The following SDK2 variants were observed in gnomAD, a reference collection of about 807,000 sequenced individuals.
SDK2 encodes the protein sidekick cell adhesion molecule 2.
SDK2 carries 105 observed loss-of-function variants against 253.9 expected under a neutral mutation model. That is an observed-to-expected ratio of 0.41 (90% CI 0.35 to 0.49). The LOEUF is 0.49. SDK2 is among the 20% of genes least tolerant of loss of function. The pLI is 0.06. For synonymous variants in SDK2, 1,249 were observed against 1,234.9 expected (o/e 1.01, Z -0.24); for missense variants, 2,608 against 3,003.0 (o/e 0.87, Z 3.07).
intron 3 of SDK2, among the ~76,000 whole-genome samples, chr17:73,469,680 C>T (rs1391930886): frequency 6.6e-6 from 1 of 152,108 alleles, no homozygotes; most frequent in Non-Finnish European, 1.5e-5. Context: ...TCCCCCCACC[C>T]TGGGTTTGTG....
rs34947277 is a variant in SDK2 at position 73,588,221 on chromosome 17, C to G, written c.64+55804G>C. 3.6e-3 allele frequency among the ~76,000 whole-genome samples: 527 copies of G among 147,896 alleles called. 4 individuals are homozygous for G. Among genetic ancestry groups the G allele is most frequent in the South Asian group, 0.027 (122 of 4,580 alleles). ...GACCCCCCCCCCTCCCCCGCCATCTCTACTAAAAATACAAACTTAGCTGGG... is the reference window on the plus strand; with the variant it reads ...GACCCCCCCCCCTCCCCCGCCATCTGTACTAAAAATACAAACTTAGCTGGG... On this transcript the variant is annotated intron_variant, in intron 1 of 44. Coordinates refer to ENST00000392650, the MANE Select transcript of SDK2 (RefSeq NM_001144952.2).
At chr17:73,573,446 C>T (rs1027986257) in intron 1 of SDK2, among the ~76,000 whole-genome samples, 1 of 152,184 alleles carries the variant, frequency 6.6e-6, no homozygotes, top group African/African-American at 2.4e-5. Flanking sequence ...CAACCCAGTT[C>T]CCCAGAGGCT....
At position 73,644,406 on chromosome 17, in the gene SDK2, C is replaced by T. The variant is rs941992548; in HGVS notation, c.-318G>A. Reference sequence around the variant, plus strand: ...CTCCGACTTCTCCCAAACAGGGCGGCCTCTGCGATCCGGCCGGGTCGCCGG... The same window carrying T: ...CTCCGACTTCTCCCAAACAGGGCGGTCTCTGCGATCCGGCCGGGTCGCCGG... On this transcript the variant is annotated 5_prime_UTR_variant, in exon 1 of 45. Coordinates refer to ENST00000392650, the MANE Select transcript of SDK2 (RefSeq NM_001144952.2). The surrounding 1 kb of genome is among the most constrained non-coding windows in gnomAD (Gnocchi z 6.3). 6.6e-6 allele frequency among the ~76,000 whole-genome samples: 1 copy of T among 152,120 alleles called. No homozygotes were observed. The highest frequency in any genetic ancestry group is 1.5e-5 in the Non-Finnish European group (1 of 68,004).
At position 73,514,386 on chromosome 17, in the gene SDK2, C is replaced by T. The variant is rs578201281; in HGVS notation, c.65-6789G>A. ...CTCCCTAGGCTCCAGGCTAAATGGC[C>T]CCATACAGAAGCCAATCTCAACTTC... On this transcript the variant is annotated intron_variant, in intron 1 of 44. Transcript: ENST00000392650. Among the ~76,000 whole-genome samples the T allele has an allele frequency of 5.9e-5, 9 of 152,262 alleles. No individual in the cohort carries two copies. The East Asian group carries it at 1.7e-3, about 29-fold the overall frequency.
At chr17:73,350,190 T>TGGGCACGGCTGGGCCTGGCCCCCCACCC in intron 43 of SDK2, 47 bp downstream of exon 43, 1 of 163,696 alleles carries the variant, frequency 6.1e-6, no homozygotes, top group Non-Finnish European at 9.7e-6. Context: ...TCTCCCCACC[T>TGGGCACGGCTGGGCCTGGCCCCCCACCC]GGGCACTGCT....
At chr17:73,434,230 A>G (rs2063350124) in intron 9 of SDK2, among the ~76,000 whole-genome samples, 2 of 152,186 alleles carry the variant, frequency 1.3e-5, no homozygotes, top group Admixed American at 1.3e-4. Context: ...TAAAAGAAAA[A>G]CAGCCACAGC....
At chr17:73,474,871 A>G (rs945707826) in intron 2 of SDK2, among the ~76,000 whole-genome samples, 2 of 152,240 alleles carry the variant, frequency 1.3e-5, no homozygotes, top group African/African-American at 4.8e-5. Context: ...AGGAAAAGAA[A>G]TAGAAATGGC....
intron 29 of SDK2, among the ~76,000 whole-genome samples, chr17:73,389,183 CTTTTTT>C (rs61085516): frequency 3.0e-5 from 3 of 99,018 alleles, no homozygotes; most frequent in African/African-American, 9.3e-5. Context: ...ATATTCCTTT[CTTTTTT>C]TTTTTTTTTT....
Position 73,437,938 on chromosome 17 carries a change from G to A in SDK2, c.916+26C>T, listed in dbSNP as rs1472485284. ...CGTGCTGCCCCTACCCCTCAGGGGA[G>A]CCCTAGCAGCCCCACCCTCTCTCAC... On this transcript the variant is annotated intron_variant, in intron 7 of 44. Coordinates refer to ENST00000392650, the MANE Select transcript of SDK2 (RefSeq NM_001144952.2). 12 of 1,558,974 alleles carry A rather than the reference G, an allele frequency of 7.7e-6. No homozygotes were observed. In the Admixed American group the frequency reaches 1.4e-4, roughly 18 times the overall value.
At chr17:73,356,635 A>G (rs1436123781) in intron 40 of SDK2, among the ~76,000 whole-genome samples, 2 of 152,166 alleles carry the variant, frequency 1.3e-5, no homozygotes, top group Non-Finnish European at 2.9e-5. Context: ...TCACCCCATA[A>G]CAGCAGCCTG....
intron 4 of SDK2, among the ~76,000 whole-genome samples, chr17:73,454,025 C>G (rs1432637771): frequency 6.6e-6 from 1 of 152,132 alleles, no homozygotes; most frequent in Non-Finnish European, 1.5e-5. Flanking sequence ...TTTATTTATA[C>G]AAATACTTAC....
Position 73,423,952 on chromosome 17 carries a change from C to T in SDK2, c.1724G>A (p.Gly575Glu). 6.2e-7 allele frequency: 1 copy of T among 1,602,060 alleles called. No individual in the cohort carries two copies. The highest frequency in any genetic ancestry group is 8.5e-7 in the Non-Finnish European group (1 of 1,174,938). Residue 575 changes from glycine (G) to glutamate (E), a missense_variant, in exon 13 of 45, where the codon GGA becomes GAA. Around this residue, in one of 2 missense-constraint regions of SDK2, gnomAD observed 1,505 missense variants for 1,859.1 expected, o/e 0.81. Coordinates refer to ENST00000392650, the MANE Select transcript of SDK2 (RefSeq NM_001144952.2). ...GTGGGCACTGCGAGAGTCGTTGCCT[C>T]CTGCTGAGATCACCCGGCAGGTGTA... ...GTYTCRVISA[G>E]GNDSRSAHLR...
chr17:73,338,587 T>A lies in SDK2; in HGVS notation c.6519A>T (p.Ter2173CysextTer61), dbSNP rs1421445023. ...APIAGFSSFV* is the reference protein window; with the variant it reads ...APIAGFSSFVC Reference sequence around the variant, plus strand: ...CTTTCTGCTTTTTCCTCTTCTGATGTCAAACAAATGATGAAAATCCTGCTA... The same window carrying A: ...CTTTCTGCTTTTTCCTCTTCTGATGACAAACAAATGATGAAAATCCTGCTA... Residue 2173 changes from the stop codon to cysteine (C), a stop_lost, in exon 45 of 45, where the codon TGA becomes TGT. Coordinates refer to ENST00000392650, the MANE Select transcript of SDK2 (RefSeq NM_001144952.2). The surrounding 1 kb of genome is among the most constrained non-coding windows in gnomAD (Gnocchi z 5.0). 2 of 1,506,140 alleles carry A rather than the reference T, an allele frequency of 1.3e-6. No individual in the cohort carries two copies. The highest frequency in any genetic ancestry group is 2.3e-5 in the East Asian group (1 of 44,120). 93.3% of individuals were successfully genotyped at this position (1,506,140 alleles called of 1,614,324 possible). A position where few individuals can be genotyped will look rare whatever the true frequency, so the allele number is the denominator to read the frequency against.
At chr17:73,580,549 G>A (rs9908777) in intron 1 of SDK2, among the ~76,000 whole-genome samples, 3,331 of 152,372 alleles carry the variant, frequency 0.022, 48 homozygotes, top group Middle Eastern at 0.071. Context: ...GGTCACACAG[G>A]GCCCCAAGCT....
rs1322188611 is a variant in SDK2, at chr17:73,612,795, T to C, written c.64+31230A>G. Among the ~76,000 whole-genome samples the C allele has an allele frequency of 1.3e-5, 2 of 152,124 alleles. No homozygotes were observed. The highest frequency in any genetic ancestry group is 2.1e-4 in the South Asian group (1 of 4,828). On this transcript the variant is annotated intron_variant, in intron 1 of 44. Transcript: ENST00000392650. The surrounding 1 kb of genome is among the most constrained non-coding windows in gnomAD (Gnocchi z 4.4). ...AGCTGTACCTGGTGGTGCGCACCTG[T>C]AGTCCCAGCTACTCAGGAGGCTGAG...
In SDK2 at chr17:73,625,860, G is replaced by A. The variant is rs140171388; in HGVS notation, c.64+18165C>T. 2.0e-3 allele frequency among the ~76,000 whole-genome samples: 311 copies of A among 152,234 alleles called. 4 individuals carry two copies. The highest frequency in any genetic ancestry group is 6.8e-3 in the African/African-American group (281 of 41,522). On this transcript the variant is annotated intron_variant, in intron 1 of 44. Coordinates refer to ENST00000392650, the MANE Select transcript of SDK2 (RefSeq NM_001144952.2). ...GGATTTTGTCATATTGGCCAGGCTG[G>A]TCTTGAACTCCTGACCTCAGGTGAT...
At chr17:73,439,706 C>T (rs1343381563) in intron 6 of SDK2, among the ~76,000 whole-genome samples, 1 of 152,180 alleles carries the variant, frequency 6.6e-6, no homozygotes, top group African/African-American at 2.4e-5. Flanking sequence ...GCTGGGTCAG[C>T]GCGCTGCCTA....
At position 73,350,682 on chromosome 17, in the gene SDK2, T is replaced by G. The variant is rs755155850; in HGVS notation, c.5867A>C (p.Gln1956Pro). The change falls in exon 42 of 45, where the codon CAG becomes CCG. Residue 1956 changes from glutamine (Q) to proline (P), a missense_variant. Physicochemically the swap from Gln to Pro is moderately conservative, Grantham distance 76. Coordinates refer to ENST00000392650, the MANE Select transcript of SDK2 (RefSeq NM_001144952.2). ...LLVFVLIIRGQSKKYAKKTDS... is the reference protein window; with the variant it reads ...LLVFVLIIRGPSKKYAKKTDS... ...TGTCTTCTTGGCGTACTTCTTGCTC[T>G]GGCCCCGGATGATGAGCACGAAGAC... 1 of 1,613,358 alleles carries G rather than the reference T, an allele frequency of 6.2e-7. No individual in the cohort carries two copies. The highest frequency in any genetic ancestry group is 8.5e-7 in the Non-Finnish European group (1 of 1,179,636).
At chr17:73,554,363 G>A (rs1187943117) in intron 1 of SDK2, among the ~76,000 whole-genome samples, 3 of 152,206 alleles carry the variant, frequency 2.0e-5, no homozygotes, top group African/African-American at 7.2e-5. Flanking sequence ...ACTAAATTTG[G>A]AGATAGGATC....
Sources: allele counts gnomAD v4.1 joint callset (sites outside exome capture counted in the v4.1 genomes callset), GRCh38; gene constraint gnomAD v4.1.1; regional missense constraint gnomAD v4.1.1; non-coding constraint Gnocchi (gnomAD v3.1); transcripts MANE v1.5; gene names NCBI Gene and HGNC (gene_info 2026-07-23, HGNC 2026-07-21).